Variants in AK9 observed in about 807,000 individuals in gnomAD.
The protein encoded by AK9 is adenylate kinase domain containing 1.
AK9 carries 191 observed loss-of-function variants against 239.6 expected under a neutral mutation model. That is an observed-to-expected ratio of 0.80 (90% CI 0.71 to 0.90). The LOEUF (loss-of-function observed/expected upper bound fraction) is 0.90. Among genes scored for constraint, AK9 ranks in the 40% least tolerant of loss-of-function variants. The probability of loss-of-function intolerance (pLI) is 0.00; values close to 1 mark genes in which losing one functional copy is unlikely to be tolerated. For missense variants in AK9, 1,995 were observed against 2,214.7 expected, an observed-to-expected ratio of 0.90 and a Z score of 1.99; for synonymous variants, 689 against 721.0, an observed-to-expected ratio of 0.96 and a Z score of 0.71.
At chr6:109,597,757 G>C (rs2128225187) in intron 17 of AK9, among the ~76,000 whole-genome samples, 2 of 152,108 alleles carry the variant, frequency 1.3e-5, no homozygotes, top group Admixed American at 1.3e-4. Flanking sequence ...CAGAAGAAGA[G>C]ACAGAGGCAA....
chr6:109,641,370 T>TTTG, intron 10 of AK9, 148 bp downstream of exon 10: 6 of 354,284 alleles, frequency 1.7e-5, no homozygotes, highest in South Asian at 1.5e-4. Flanking sequence ...TTTTTTTTTG[T>TTTG]AGAGATGGGT....
At chr6:109,578,609 C>T (rs1788427508) in intron 20 of AK9, among the ~76,000 whole-genome samples, 1 of 152,036 alleles carries the variant, frequency 6.6e-6, no homozygotes, top group Non-Finnish European at 1.5e-5. Context: ...TCTTGCTTCT[C>T]TAGTTCCTTG....
intron 27 of AK9, among the ~76,000 whole-genome samples, chr6:109,539,431 C>G (rs545368859): frequency 6.6e-6 from 1 of 152,184 alleles, no homozygotes; most frequent in South Asian, 2.1e-4. Context: ...ACGTAGTTCT[C>G]GTGCCATGGT....
chr6:109,662,270 G>A (rs1027630548), intron 6 of AK9, among the ~76,000 whole-genome samples: 3 of 152,172 alleles, frequency 2.0e-5, no homozygotes, highest in African/African-American at 4.8e-5. Context: ...AGAGGTGGTG[G>A]AGCGGGGTAG....
intron 20 of AK9, among the ~76,000 whole-genome samples, chr6:109,577,081 C>T (rs1281449624): frequency 1.3e-5 from 2 of 152,100 alleles, no homozygotes; most frequent in Non-Finnish European, 2.9e-5. Context: ...CGGCCCACCT[C>T]GGCCTCCCAA....
At chr6:109,612,127 G>A (rs1181606375) in intron 15 of AK9, 34 bp from the exon 16 acceptor site, 9 of 1,371,130 alleles carry the variant, frequency 6.6e-6, no homozygotes, top group Middle Eastern at 1.8e-4. Context: ...CCTAAAGAAC[G>A]GTATTAAAAA....
rs1467728410 is a variant in AK9 at position 109,545,870 on chromosome 6, C to CT, written c.3221dup (p.Gln1075AlafsTer22). On this transcript the variant is annotated frameshift_variant, in exon 26 of 41. Coordinates refer to ENST00000424296, the MANE Select transcript of AK9 (RefSeq NM_001145128.3). LOFTEE classifies it high-confidence loss of function. ...AAACAAAAAAAGAGATTACTACCTGCTTTTTTGTATTTTCTTCCTCAACTT... is the reference window on the plus strand; with the variant it reads ...AAACAAAAAAAGAGATTACTACCTGCTTTTTTTGTATTTTCTTCCTCAACTT... 7 of 1,589,238 alleles carry CT rather than the reference C, an allele frequency of 4.4e-6. No individual in the cohort carries two copies. Among genetic ancestry groups the CT allele is most frequent in the Non-Finnish European group, 6.0e-6 (7 of 1,172,822 alleles).
In AK9 at chr6:109,506,504, T is replaced by G. The variant is rs185060425; in HGVS notation, c.4672A>C (p.Asn1558His). 1.2e-6 allele frequency: 2 copies of G among 1,608,518 alleles called. No homozygotes were observed. Among genetic ancestry groups the G allele is most frequent in the Non-Finnish European group, 8.5e-7 (1 of 1,176,516 alleles). Residue 1558 changes from asparagine to histidine, a missense_variant, in exon 35 of 41, where the codon AAT (asparagine) becomes CAT (histidine). Transcript: ENST00000424296. ...ATATTTTTGCGATACTTTACATTAT[T>G]GACAGCTACAATTTGTGCACTATTG... ...LHNSAQIVAV[N>H]NVKYRKNIGE...
intron 17 of AK9, among the ~76,000 whole-genome samples, chr6:109,605,058 A>T (rs1036410608): frequency 2.6e-5 from 4 of 152,166 alleles, no homozygotes; most frequent in African/African-American, 9.7e-5. Context: ...TGAAATAATG[A>T]TTATGTTTCT....
intron 17 of AK9, among the ~76,000 whole-genome samples, chr6:109,593,194 T>G (rs1790524570): frequency 6.6e-6 from 1 of 152,072 alleles, no homozygotes. Context: ...AATAAATTTT[T>G]CTTTCTAGAA....
intron 8 of AK9, among the ~76,000 whole-genome samples, chr6:109,649,262 A>G (rs1025946602): frequency 1.3e-5 from 2 of 151,938 alleles, no homozygotes; most frequent in Non-Finnish European, 2.9e-5. Context: ...CAGGAGAAGG[A>G]AATAAAGGGT....
At chr6:109,616,398 T>G (rs1165198198) in intron 13 of AK9, among the ~76,000 whole-genome samples, 1 of 152,126 alleles carries the variant, frequency 6.6e-6, no homozygotes, top group African/African-American at 2.4e-5. Context: ...TTCATTTTTT[T>G]TTCTTTCTTT....
chr6:109,676,747 T>C (rs1386773165), intron 1 of AK9, among the ~76,000 whole-genome samples: 1 of 152,056 alleles, frequency 6.6e-6, no homozygotes, highest in Non-Finnish European at 1.5e-5. Context: ...TTAGTTAAAA[T>C]GATATAGCAA....
At chr6:109,654,001 G>GAAGT (rs71018359) in intron 8 of AK9, among the ~76,000 whole-genome samples, 89,396 of 151,546 alleles carry the variant, frequency 0.59, 27,813 homozygotes, top group South Asian at 0.84. Context: ...GGATGGCTGA[G>GAAGT]AAGACCCACC....
At chr6:109,666,811 G>A (rs568123291) in intron 5 of AK9, among the ~76,000 whole-genome samples, 7 of 152,230 alleles carry the variant, frequency 4.6e-5, no homozygotes, top group Non-Finnish European at 1.0e-4. Context: ...GTAGCCTTGT[G>A]TCCAGCCATC....
At chr6:109,579,919 T>A (rs1476689904) in intron 19 of AK9, among the ~76,000 whole-genome samples, 1 of 152,176 alleles carries the variant, frequency 6.6e-6, no homozygotes, top group Non-Finnish European at 1.5e-5. Flanking sequence ...GAAGGATTTG[T>A]AGCATTTTTC....
chr6:109,597,580 G>C (rs1039492289), intron 17 of AK9, among the ~76,000 whole-genome samples: 2 of 152,148 alleles, frequency 1.3e-5, no homozygotes, highest in Non-Finnish European at 1.5e-5. Flanking sequence ...GGCTAAGGCA[G>C]GAGAATGGTG....
intron 1 of AK9, among the ~76,000 whole-genome samples, chr6:109,683,702 G>C (rs886854155): frequency 1.3e-5 from 2 of 152,092 alleles, no homozygotes; most frequent in Admixed American, 6.5e-5. Flanking sequence ...GAAATGTGAA[G>C]GACTTCTTCA....
intron 17 of AK9, among the ~76,000 whole-genome samples, chr6:109,600,998 T>C (rs1791872923): frequency 6.6e-6 from 1 of 152,202 alleles, no homozygotes; most frequent in Non-Finnish European, 1.5e-5. Flanking sequence ...TAGCAGTCTA[T>C]CAATTTTGTT....
Sources: gnomAD v4.1 joint callset for allele counts (sites outside exome capture counted in the v4.1 genomes callset) on GRCh38, gnomAD v4.1.1 for gene constraint, MANE v1.5 for transcripts, NCBI Gene and HGNC (gene_info 2026-07-23, HGNC 2026-07-21) for gene names.